The following LCLAT1 variants were observed in gnomAD, a reference collection of about 807,000 sequenced individuals.
The protein encoded by LCLAT1 is 1-AGP acyltransferase 8.
A neutral mutation model predicts 30.7 loss-of-function variants in LCLAT1; 11 were observed. The observed-to-expected ratio is 0.36, with a 90% confidence interval of 0.23 to 0.59. The LOEUF (loss-of-function observed/expected upper bound fraction) is 0.59. Ranked by LOEUF, LCLAT1 falls within the 20% of genes least tolerant of loss-of-function variation. The pLI is 0.77. For missense variants in LCLAT1, 402 were observed against 458.6 expected, an observed-to-expected ratio of 0.88 and a Z score of 1.13; for synonymous variants, 155 against 151.3, an observed-to-expected ratio of 1.02 and a Z score of -0.18.
intron 5 of LCLAT1, among the ~76,000 whole-genome samples, chr2:30,626,577 T>G (rs377295381): frequency 6.6e-6 from 1 of 152,186 alleles, no homozygotes; most frequent in Admixed American, 6.5e-5. Flanking sequence ...AGGGTTTAAG[T>G]ATCTTACTCA....
chr2:30,496,348 G>C (rs1377794168), intron 1 of LCLAT1, among the ~76,000 whole-genome samples: 3 of 152,186 alleles, frequency 2.0e-5, no homozygotes, highest in East Asian at 1.9e-4. Flanking sequence ...GGTAGTGCCA[G>C]CTCACTGTAC....
At chr2:30,534,219 C>CTG (rs57380693) in intron 3 of LCLAT1, among the ~76,000 whole-genome samples, 4,687 of 130,408 alleles carry the variant, frequency 0.036, 63 homozygotes, top group South Asian at 0.063. Flanking sequence ...AGTTGATTTA[C>CTG]TGTGTGTGTG....
chr2:30,581,285 T>C (rs12467830), intron 5 of LCLAT1, among the ~76,000 whole-genome samples: 19,250 of 152,118 alleles, frequency 0.13, 1,356 homozygotes, highest in South Asian at 0.23. Flanking sequence ...TGCCTTTGAT[T>C]AGATACCCCT....
intron 1 of LCLAT1, among the ~76,000 whole-genome samples, chr2:30,496,092 T>C (rs1684096706): frequency 6.6e-6 from 1 of 152,012 alleles, no homozygotes; most frequent in African/African-American, 2.4e-5. Flanking sequence ...CTTACATGGC[T>C]AGAGCAGGAG....
At chr2:30,493,294 A>G (rs1233481094) in intron 1 of LCLAT1, among the ~76,000 whole-genome samples, 1 of 152,244 alleles carries the variant, frequency 6.6e-6, no homozygotes, top group African/African-American at 2.4e-5. Flanking sequence ...TGACTTTGTT[A>G]TAACTTGGAT....
intron 5 of LCLAT1, among the ~76,000 whole-genome samples, chr2:30,588,154 C>T (rs1404437843): frequency 6.6e-6 from 1 of 152,232 alleles, no homozygotes; most frequent in African/African-American, 2.4e-5. Context: ...TGCTTCGCTG[C>T]CTAGGGCATG....
At chr2:30,607,364 G>A (rs965923017) in intron 5 of LCLAT1, 4 of 152,074 alleles carry the variant, frequency 2.6e-5, no homozygotes, top group African/African-American at 7.2e-5. Flanking sequence ...ATGTCTTCTT[G>A]TGTACCTGTG....
At chr2:30,569,580 G>T (rs1665679334) in intron 5 of LCLAT1, among the ~76,000 whole-genome samples, 1 of 145,438 alleles carries the variant, frequency 6.9e-6, no homozygotes, top group South Asian at 2.3e-4. Context: ...AACATGAAAA[G>T]TCTTGAACCA....
At chr2:30,628,805 T>C (rs560958675) in intron 5 of LCLAT1, among the ~76,000 whole-genome samples, 7 of 152,168 alleles carry the variant, frequency 4.6e-5, no homozygotes, top group Non-Finnish European at 8.8e-5. Context: ...AAAAACGTAT[T>C]TCATCTTTCA....
At chr2:30,485,236 C>G (rs1283300025) in intron 1 of LCLAT1, among the ~76,000 whole-genome samples, 1 of 152,194 alleles carries the variant, frequency 6.6e-6, no homozygotes, top group African/African-American at 2.4e-5. Context: ...GTTTGGTCCC[C>G]GCTTAGCTGA....
intron 1 of LCLAT1, among the ~76,000 whole-genome samples, chr2:30,518,612 G>A (rs1685310721): frequency 6.6e-6 from 1 of 152,210 alleles, no homozygotes. Flanking sequence ...ACGGACAGTG[G>A]AGGTTAGTGC....
chr2:30,502,514 C>T (rs115403407), intron 1 of LCLAT1, among the ~76,000 whole-genome samples: 1 of 152,144 alleles, frequency 6.6e-6, no homozygotes, highest in Non-Finnish European at 1.5e-5. Context: ...TTAGTAGTCA[C>T]CTCACATTCC....
At chr2:30,632,669 AGTATGTGCCC>A (rs1668823874) in intron 5 of LCLAT1, among the ~76,000 whole-genome samples, 2 of 152,248 alleles carry the variant, frequency 1.3e-5, no homozygotes, top group South Asian at 4.1e-4. Flanking sequence ...ACCTGTGAAG[AGTATGTGCCC>A]AACACTTCTC....
intron 5 of LCLAT1, among the ~76,000 whole-genome samples, chr2:30,612,855 T>A (rs1037129569): frequency 6.6e-6 from 1 of 152,070 alleles, no homozygotes; most frequent in Non-Finnish European, 1.5e-5. Context: ...CTTATTCAAT[T>A]TATATATTTC....
At chr2:30,564,660 T>TAA (rs143466468) in intron 4 of LCLAT1, among the ~76,000 whole-genome samples, 2 of 152,076 alleles carry the variant, frequency 1.3e-5, no homozygotes, top group Non-Finnish European at 2.9e-5. Flanking sequence ...ATTGAGTTGG[T>TAA]AAAAAATCAT....
At chr2:30,503,685 G>C (rs829662) in intron 1 of LCLAT1, among the ~76,000 whole-genome samples, 109,053 of 152,096 alleles carry the variant, frequency 0.72, 40,540 homozygotes, top group East Asian at 0.87. Flanking sequence ...TTAAAAGTTT[G>C]CTGCTAATAA....
chr2:30,533,141 T>C lies in LCLAT1; in HGVS notation c.191T>C (p.Val64Ala). 1.2e-6 allele frequency: 2 copies of C among 1,613,872 alleles called. No homozygotes were observed. Among genetic ancestry groups the C allele is most frequent in the Non-Finnish European group, 1.7e-6 (2 of 1,179,732 alleles). ...PVALLETMFG[V>A]KVIITGDAFV... ...GCATTATTGGAGACCATGTTTGGTG[T>C]AAAAGTGATTATAACTGGGGATGCA... The change falls in exon 3 of 6, where the codon GTA becomes GCA. Residue 64 changes from valine (V) to alanine (A), a missense_variant. Transcript: ENST00000379509.
chr2:30,596,259 C>T lies in LCLAT1; in HGVS notation c.628+28083C>T, dbSNP rs578150543. On this transcript the variant is annotated intron_variant, in intron 5 of 5. Coordinates refer to ENST00000379509, the MANE Select transcript of LCLAT1 (RefSeq NM_001002257.3). ...TTGAACTAATTTACATTCCCACCAA[C>T]AATGTAAAAGCATTCCTCTCGCTCC... 2.0e-5 allele frequency among the ~76,000 whole-genome samples: 3 copies of T among 152,300 alleles called. No homozygotes were observed. In the South Asian group the frequency reaches 6.2e-4, roughly 32 times the overall value.
chr2:30,482,587 A>G (rs937305514), intron 1 of LCLAT1, among the ~76,000 whole-genome samples: 3 of 152,148 alleles, frequency 2.0e-5, no homozygotes. Context: ...TCATTCATAT[A>G]TTCTTTTGAA....
Sources: gnomAD v4.1 joint callset for allele counts (sites outside exome capture counted in the v4.1 genomes callset) on GRCh38, gnomAD v4.1.1 for gene constraint, MANE v1.5 for transcripts, NCBI Gene and HGNC (gene_info 2026-07-23, HGNC 2026-07-21) for gene names.